CFAP44: variants seen among roughly 807,000 people sequenced by gnomAD.
CFAP44 encodes cilia- and flagella-associated protein 44.
CFAP44 carries 134 observed loss-of-function variants against 216.2 expected under a neutral mutation model. That is an observed-to-expected ratio of 0.62 (90% CI 0.54 to 0.72). The LOEUF (loss-of-function observed/expected upper bound fraction) is 0.72, where lower values mean the gene tolerates loss of function less well. CFAP44 is among the 30% of genes least tolerant of loss of function. CFAP44 has a pLI of 0.00. For missense variants in CFAP44, 2,035 were observed against 2,182.1 expected, an observed-to-expected ratio of 0.93 and a Z score of 1.34; for synonymous variants, 700 against 727.6, an observed-to-expected ratio of 0.96 and a Z score of 0.61.
At chr3:113,407,116 T>C (rs377245953) in intron 7 of CFAP44, 75 bp from the exon 8 acceptor site, 4 of 1,099,700 alleles carry the variant, frequency 3.6e-6, no homozygotes, top group Non-Finnish European at 1.4e-6. Context: ...CCCAAACATT[T>C]ACATATTTCA....
chr3:113,378,150 A>G (rs1477809246), intron 17 of CFAP44, among the ~76,000 whole-genome samples: 1 of 152,168 alleles, frequency 6.6e-6, no homozygotes, highest in Non-Finnish European at 1.5e-5. Flanking sequence ...TTGTTAAATA[A>G]TGAGTAATTT....
At chr3:113,422,611 A>G (rs574047708) in intron 4 of CFAP44, among the ~76,000 whole-genome samples, 7 of 152,340 alleles carry the variant, frequency 4.6e-5, no homozygotes, top group Non-Finnish European at 7.3e-5. Flanking sequence ...ATGTAAATGA[A>G]GCTATTCAAG....
chr3:113,308,342 T>C, intron 28 of CFAP44, 74 bp from the exon 29 acceptor site: 1 of 1,177,156 alleles, frequency 8.5e-7, no homozygotes, highest in Non-Finnish European at 1.2e-6. Flanking sequence ...TAAAGTAAAC[T>C]ATTTTTCAAT....
chr3:113,398,489 A>G (rs1310800084), intron 13 of CFAP44, among the ~76,000 whole-genome samples: 1 of 152,216 alleles, frequency 6.6e-6, no homozygotes, highest in African/African-American at 2.4e-5. Context: ...AAAAAAGGAA[A>G]CATGCTGTGA....
At chr3:113,438,684 T>G (rs993790806) in intron 1 of CFAP44, among the ~76,000 whole-genome samples, 2 of 152,180 alleles carry the variant, frequency 1.3e-5, no homozygotes, top group Non-Finnish European at 2.9e-5. Context: ...TTAGTATATT[T>G]TATATTAAGC....
At chr3:113,337,283 A>G (rs1950289392) in intron 24 of CFAP44, among the ~76,000 whole-genome samples, 2 of 152,050 alleles carry the variant, frequency 1.3e-5, no homozygotes, top group African/African-American at 4.8e-5. Context: ...TGAAAACAGC[A>G]AAACACTGAT....
intron 15 of CFAP44, among the ~76,000 whole-genome samples, chr3:113,387,425 C>T (rs570629243): frequency 3.3e-5 from 5 of 152,234 alleles, no homozygotes; most frequent in South Asian, 2.1e-4. Context: ...ATGATATCTC[C>T]AGACACACCC....
chr3:113,294,310 C>G, intron 34 of CFAP44: 1 of 292,066 alleles, frequency 3.4e-6, no homozygotes, highest in South Asian at 3.3e-5. Context: ...GTAGATTTCA[C>G]CACTCAAGAT....
At chr3:113,363,387 G>T (rs1950559854) in intron 20 of CFAP44, 80 bp from the exon 21 acceptor site, 1 of 1,567,112 alleles carries the variant, frequency 6.4e-7, no homozygotes. Flanking sequence ...TCAATAATTT[G>T]AAAATTCATT....
chr3:113,334,618 A>G (rs1950266736), intron 24 of CFAP44, among the ~76,000 whole-genome samples: 1 of 152,196 alleles, frequency 6.6e-6, no homozygotes, highest in South Asian at 2.1e-4. Flanking sequence ...AGGTATAGAG[A>G]GTGGAATGGA....
intron 28 of CFAP44, among the ~76,000 whole-genome samples, chr3:113,312,140 CCACT>C (rs1171918984): frequency 2.0e-5 from 3 of 149,316 alleles, no homozygotes; most frequent in Non-Finnish European, 4.4e-5. Context: ...GGCACCATTG[CCACT>C]CACTGCAAGC....
intron 7 of CFAP44, among the ~76,000 whole-genome samples, chr3:113,407,899 T>C (rs1245138726): frequency 3.3e-5 from 5 of 152,204 alleles, no homozygotes; most frequent in Non-Finnish European, 4.4e-5. Context: ...GGTTCCTTCA[T>C]AGCACTTCAC....
chr3:113,422,796 T>C (rs906112396), intron 4 of CFAP44, among the ~76,000 whole-genome samples: 1 of 152,240 alleles, frequency 6.6e-6, no homozygotes, highest in Non-Finnish European at 1.5e-5. Flanking sequence ...TCTTCACTAC[T>C]TTAGATGAAA....
intron 24 of CFAP44, among the ~76,000 whole-genome samples, chr3:113,340,910 C>A (rs1950326881): frequency 6.6e-6 from 1 of 152,184 alleles, no homozygotes; most frequent in Admixed American, 6.5e-5. Context: ...AATGGGAGAA[C>A]CAGAAGGGAG....
intron 6 of CFAP44, among the ~76,000 whole-genome samples, chr3:113,410,656 T>C (rs1349156718): frequency 5.9e-5 from 9 of 152,238 alleles, no homozygotes; most frequent in Non-Finnish European, 1.0e-4. Flanking sequence ...CCTTTGGGTA[T>C]ATACCCAGTA....
Position 113,413,613 on chromosome 3 carries a change from T to C in CFAP44, c.673+2912A>G, listed in dbSNP as rs951446951. 7.9e-5 allele frequency among the ~76,000 whole-genome samples: 12 copies of C among 152,358 alleles called. 1 individual carries two copies. In the South Asian group the frequency reaches 2.3e-3, roughly 29 times the overall value. On this transcript the variant is annotated intron_variant, in intron 6 of 34. Transcript: ENST00000393845. ...GACTAGCCACTTTTCCCAGCACCAC[T>C]TACTGAATAGGAAATCCTTTCCCCG...
At chr3:113,404,535 ATAT>A (rs1934225682) in intron 8 of CFAP44, among the ~76,000 whole-genome samples, 1 of 152,198 alleles carries the variant, frequency 6.6e-6, no homozygotes, top group African/African-American at 2.4e-5. Flanking sequence ...AGTTGTTAAG[ATAT>A]TTAACAAGTG....
At chr3:113,441,361 TGA>T (rs1935359549) in intron 1 of CFAP44, 90 bp downstream of exon 1, 1 of 983,594 alleles carries the variant, frequency 1.0e-6, no homozygotes. Flanking sequence ...TGGTCCAGCC[TGA>T]GAGAAGCCCA....
At chr3:113,379,212 A>T (rs1409721745) in intron 17 of CFAP44, 94 bp downstream of exon 17, 1 of 960,750 alleles carries the variant, frequency 1.0e-6, no homozygotes, top group Non-Finnish European at 1.4e-6. Flanking sequence ...AGATAAATGA[A>T]ATCTTAACAT....
Sources: allele counts gnomAD v4.1 joint callset (sites outside exome capture counted in the v4.1 genomes callset), GRCh38; gene constraint gnomAD v4.1.1; transcripts MANE v1.5; gene names NCBI Gene and HGNC (gene_info 2026-07-23, HGNC 2026-07-21).